The following PTH2R variants were observed in gnomAD, a reference collection of about 807,000 sequenced individuals.
PTH2R encodes PTH2 receptor.
A neutral mutation model predicts 60.3 loss-of-function variants in PTH2R; 59 were observed. The observed-to-expected ratio is 0.98, with a 90% confidence interval of 0.79 to 1.22. The LOEUF (loss-of-function observed/expected upper bound fraction) is 1.22, where lower values mean the gene tolerates loss of function less well. PTH2R is among the 50% of genes most tolerant of loss of function. The probability of loss-of-function intolerance (pLI) is 0.00; values close to 1 mark genes in which losing one functional copy is unlikely to be tolerated. For synonymous variants in PTH2R, 256 were observed against 243.8 expected, an observed-to-expected ratio of 1.05 and a Z score of -0.47; for missense variants, 749 against 682.6, an observed-to-expected ratio of 1.10 and a Z score of -1.08.
intron 1 of PTH2R, among the ~76,000 whole-genome samples, chr2:208,421,285 A>T (rs1217586040): frequency 1.3e-5 from 2 of 152,132 alleles, no homozygotes; most frequent in Non-Finnish European, 2.9e-5. Context: ...AAATCAACTG[A>T]TCTTCAGATT....
At chr2:208,388,835 T>C (rs1167730349) in intron 1 of PTH2R, among the ~76,000 whole-genome samples, 1 of 152,238 alleles carries the variant, frequency 6.6e-6, no homozygotes, top group Non-Finnish European at 1.5e-5. Flanking sequence ...ATTATAATTC[T>C]ATCCCTAGGA....
intron 1 of PTH2R, among the ~76,000 whole-genome samples, chr2:208,395,238 G>A (rs568410607): frequency 3.2e-4 from 49 of 151,946 alleles, no homozygotes; most frequent in African/African-American, 1.1e-3. Flanking sequence ...TAGTAGAGAC[G>A]GGGTTTCACC....
chr2:208,477,549 C>T (rs1703034120), intron 9 of PTH2R, among the ~76,000 whole-genome samples: 1 of 151,732 alleles, frequency 6.6e-6, no homozygotes. Context: ...CAGGAATCAC[C>T]ACTAAAGAAC....
At chr2:208,450,884 C>T in intron 8 of PTH2R, 75 bp downstream of exon 8, 1 of 1,492,636 alleles carries the variant, frequency 6.7e-7, no homozygotes, top group Non-Finnish European at 9.3e-7. Flanking sequence ...AGAATTCACA[C>T]TCGCTTCTGT....
intron 1 of PTH2R, among the ~76,000 whole-genome samples, chr2:208,379,872 A>G (rs1175210512): frequency 2.0e-5 from 3 of 151,782 alleles, no homozygotes; most frequent in Admixed American, 6.6e-5. Context: ...AAAAAAAAAA[A>G]AGAGAGAGAG....
intron 1 of PTH2R, among the ~76,000 whole-genome samples, chr2:208,367,967 G>T (rs1307407772): frequency 6.6e-6 from 1 of 152,030 alleles, no homozygotes; most frequent in Non-Finnish European, 1.5e-5. Context: ...ATATTTTAGG[G>T]TACTCAAAAA....
intron 1 of PTH2R, among the ~76,000 whole-genome samples, chr2:208,376,509 TTA>T (rs1286489934): frequency 2.6e-5 from 4 of 152,130 alleles, no homozygotes; most frequent in African/African-American, 9.7e-5. Context: ...AGTTAAAATT[TTA>T]TGTTACCACA....
At chr2:208,488,394 C>T (rs935869464) in intron 10 of PTH2R, among the ~76,000 whole-genome samples, 8 of 152,142 alleles carry the variant, frequency 5.3e-5, no homozygotes, top group African/African-American at 1.9e-4. Flanking sequence ...TAAACTACTT[C>T]TATGAAAGTA....
intron 2 of PTH2R, among the ~76,000 whole-genome samples, chr2:208,436,930 C>G (rs1365420227): frequency 1.3e-5 from 2 of 152,188 alleles, no homozygotes; most frequent in Admixed American, 1.3e-4. Flanking sequence ...CAGTCATAGA[C>G]TGTTGCACTC....
At chr2:208,463,877 A>G (rs1387830723) in intron 9 of PTH2R, among the ~76,000 whole-genome samples, 1 of 152,220 alleles carries the variant, frequency 6.6e-6, no homozygotes, top group Non-Finnish European at 1.5e-5. Flanking sequence ...GGATGACACC[A>G]TGATTGCTTC....
At chr2:208,483,419 C>T (rs1277735127) in intron 10 of PTH2R, among the ~76,000 whole-genome samples, 1 of 152,114 alleles carries the variant, frequency 6.6e-6, no homozygotes, top group Non-Finnish European at 1.5e-5. Context: ...TTCTTTAGTT[C>T]TGAACAAAGC....
intron 9 of PTH2R, among the ~76,000 whole-genome samples, chr2:208,474,794 A>G (rs951770887): frequency 6.6e-6 from 1 of 152,242 alleles, no homozygotes; most frequent in Admixed American, 6.5e-5. Context: ...TGGATGGAGA[A>G]GATGAACTAG....
chr2:208,417,797 T>C (rs1701671784), intron 1 of PTH2R, among the ~76,000 whole-genome samples: 1 of 151,630 alleles, frequency 6.6e-6, no homozygotes, highest in African/African-American at 2.4e-5. Context: ...ACATAGAAAA[T>C]CCAGGAGTAA....
At chr2:208,441,996 T>C (rs1398766009) in intron 4 of PTH2R, among the ~76,000 whole-genome samples, 1 of 152,136 alleles carries the variant, frequency 6.6e-6, no homozygotes, top group Non-Finnish European at 1.5e-5. Context: ...TCGATGAATA[T>C]AAAAAACAGT....
intron 1 of PTH2R, among the ~76,000 whole-genome samples, chr2:208,408,492 A>G (rs1316031341): frequency 1.3e-5 from 2 of 152,004 alleles, no homozygotes; most frequent in Non-Finnish European, 2.9e-5. Flanking sequence ...GTTCTAGATT[A>G]CTTTTTGTAA....
intron 1 of PTH2R, among the ~76,000 whole-genome samples, chr2:208,392,332 C>T (rs1239696801): frequency 6.6e-6 from 1 of 152,136 alleles, no homozygotes. Flanking sequence ...GGCCTCTAAT[C>T]TTTAGGTTAT....
At chr2:208,426,070 G>T (rs1701851680) in intron 1 of PTH2R, among the ~76,000 whole-genome samples, 1 of 152,120 alleles carries the variant, frequency 6.6e-6, no homozygotes, top group Non-Finnish European at 1.5e-5. Flanking sequence ...CTAACTTATG[G>T]ATTTATGGTT....
In PTH2R at chr2:208,427,628, G is replaced by A. The variant is rs77646628; in HGVS notation, c.76-573G>A. On this transcript the variant is annotated intron_variant, in intron 1 of 12. Coordinates refer to ENST00000272847, the MANE Select transcript of PTH2R (RefSeq NM_005048.4). ...ATCTTAGAAAATAATACCCAGCTAC[G>A]CATCTCCCAAACTGTGAAACAAATT... is the stretch of plus-strand genomic sequence containing the variant. 4.7e-4 allele frequency among the ~76,000 whole-genome samples: 71 copies of A among 152,074 alleles called. No individual in the cohort carries two copies. The East Asian group carries it at 8.7e-3, about 19-fold the overall frequency.
intron 1 of PTH2R, among the ~76,000 whole-genome samples, chr2:208,393,268 T>A (rs1420680507): frequency 6.6e-6 from 1 of 151,142 alleles, no homozygotes; most frequent in Non-Finnish European, 1.5e-5. Flanking sequence ...GATAAACTTG[T>A]CCTTCAGGAT....
Sources: allele counts gnomAD v4.1 joint callset (sites outside exome capture counted in the v4.1 genomes callset), GRCh38; gene constraint gnomAD v4.1.1; transcripts MANE v1.5; gene names NCBI Gene and HGNC (gene_info 2026-07-23, HGNC 2026-07-21).